VANGL1: variants seen among roughly 807,000 people sequenced by gnomAD.
The protein encoded by VANGL1 is vang-like protein 1.
Under a neutral mutation model 48.4 loss-of-function variants are expected in VANGL1, and 18 were observed. The observed-to-expected ratio is 0.37, with a 90% CI of 0.26 to 0.55. The LOEUF (loss-of-function observed/expected upper bound fraction) is 0.55. Ranked by LOEUF, VANGL1 falls within the 20% of genes least tolerant of loss-of-function variation. The pLI, the probability that VANGL1 is intolerant of heterozygous loss-of-function variation, is 0.81. For synonymous variants in VANGL1, 257 were observed against 261.8 expected, an observed-to-expected ratio of 0.98 and a Z score of 0.18; for missense variants, 667 against 675.8, an observed-to-expected ratio of 0.99 and a Z score of 0.14.
chr1:115,649,425 C>G (rs552608511), intron 1 of VANGL1, among the ~76,000 whole-genome samples: 110 of 152,276 alleles, frequency 7.2e-4, no homozygotes, highest in African/African-American at 2.5e-3. Context: ...GATGTGTGCT[C>G]CGTTCTGTCT....
intron 4 of VANGL1, among the ~76,000 whole-genome samples, chr1:115,674,600 C>T (rs557073938): frequency 4.3e-4 from 66 of 152,286 alleles, no homozygotes; most frequent in Middle Eastern, 3.4e-3. Flanking sequence ...AGAAGAATGA[C>T]GTGACATGTA....
rs200535188 is a variant in VANGL1, at chr1:115,663,973, C to G, written c.517C>G (p.Arg173Gly). The G allele has an allele frequency of 4.0e-5, 65 of 1,614,040 alleles. No individual in the cohort carries two copies. The highest frequency in any genetic ancestry group is 5.5e-5 in the South Asian group (5 of 91,078). ...CATAGGGACCTGGGCACTTTTTTTC[C>G]GCAAGCGGAGAGCTGACATGCCACG... ...LLIGTWALFF[R>G]KRRADMPRVF... The change falls in exon 4 of 8, where the codon CGC becomes GGC. Residue 173 changes from arginine (R) to glycine (G), a missense_variant. Coordinates refer to ENST00000355485, the MANE Select transcript of VANGL1 (RefSeq NM_138959.3).
intron 2 of VANGL1, among the ~76,000 whole-genome samples, chr1:115,654,440 T>C (rs1032257921): frequency 6.7e-6 from 1 of 149,438 alleles, no homozygotes. Context: ...CCCGCCTAAC[T>C]TTTGTCATTG....
At chr1:115,662,939 A>G (rs1427514110) in intron 3 of VANGL1, among the ~76,000 whole-genome samples, 1 of 152,246 alleles carries the variant, frequency 6.6e-6, no homozygotes, top group East Asian at 1.9e-4. Context: ...GGCATGTGCC[A>G]CCACGCCTTG....
rs751924255 is a variant in VANGL1 at position 115,683,989 on chromosome 1, C to T, written c.992C>T (p.Ala331Val). 5 of 1,614,028 alleles carry T rather than the reference C, an allele frequency of 3.1e-6. No individual in the cohort carries two copies. Among genetic ancestry groups the T allele is most frequent in the Non-Finnish European group, 3.4e-6 (4 of 1,180,014 alleles). The change falls in exon 6 of 8, where the codon GCA (alanine) becomes GTA (valine). Residue 331 changes from alanine (A) to valine (V), a missense_variant. Ala to Val is a moderately conservative substitution (Grantham distance 64). Transcript: ENST00000355485. ...ATGQSRAMIA[A>V]AARRRDSSHN... Reference sequence around the variant, plus strand: ...GGCCAGTCCCGGGCCATGATTGCTGCAGCTGCTCGGCGCAGGGACTCAAGC... The same window carrying T: ...GGCCAGTCCCGGGCCATGATTGCTGTAGCTGCTCGGCGCAGGGACTCAAGC...
In VANGL1 at chr1:115,667,593, G is replaced by GA. The variant is rs534445027; in HGVS notation, c.812+3327dup. Among the ~76,000 whole-genome samples, 421 of 152,264 alleles carry GA rather than the reference G, an allele frequency of 2.8e-3. 1 individual carries two copies. The highest frequency in any genetic ancestry group is 9.7e-3 in the African/African-American group (401 of 41,546). Reference sequence around the variant, plus strand: ...TAAGGGACCTGCTCAAGGTCACAGGGAATCAGCACCTTCCTGTGCATCACA... The same window carrying GA: ...TAAGGGACCTGCTCAAGGTCACAGGGAAATCAGCACCTTCCTGTGCATCACA... On this transcript the variant is annotated intron_variant, in intron 4 of 7. Coordinates refer to ENST00000355485, the MANE Select transcript of VANGL1 (RefSeq NM_138959.3).
rs368627163 is a variant in VANGL1 at position 115,659,625 on chromosome 1, C to T, written c.72-16C>T. 3.7e-6 allele frequency: 6 copies of T among 1,613,668 alleles called. No homozygotes were observed. The African/African-American group carries it at 6.7e-5, about 18-fold the overall frequency. Reference sequence around the variant, plus strand: ...TTAACATGGCATAAATGTGCTAGCTCATTGTTGTTTTTCAGGGAAAGAACT... The same window carrying T: ...TTAACATGGCATAAATGTGCTAGCTTATTGTTGTTTTTCAGGGAAAGAACT... On this transcript the variant is annotated splice_polypyrimidine_tract_variant and intron_variant, in intron 2 of 7. Coordinates refer to ENST00000355485, the MANE Select transcript of VANGL1 (RefSeq NM_138959.3).
At chr1:115,649,148 A>G (rs1056868097) in intron 1 of VANGL1, among the ~76,000 whole-genome samples, 1 of 152,200 alleles carries the variant, frequency 6.6e-6, no homozygotes, top group Non-Finnish European at 1.5e-5. Context: ...TGAAATTGCT[A>G]GTGAAAATGG....
intron 4 of VANGL1, among the ~76,000 whole-genome samples, chr1:115,676,416 G>A (rs754623958): frequency 6.6e-6 from 1 of 152,172 alleles, no homozygotes; most frequent in African/African-American, 2.4e-5. Context: ...CCCTCATGGT[G>A]GGCCTCTGGA....
chr1:115,668,200 T>A (rs1445595575), intron 4 of VANGL1, among the ~76,000 whole-genome samples: 1 of 152,226 alleles, frequency 6.6e-6, no homozygotes, highest in Non-Finnish European at 1.5e-5. Context: ...TTCACCATAC[T>A]ACCTCTGAAT....
At chr1:115,675,589 C>T (rs570443679) in intron 4 of VANGL1, among the ~76,000 whole-genome samples, 1 of 152,194 alleles carries the variant, frequency 6.6e-6, no homozygotes, top group African/African-American at 2.4e-5. Flanking sequence ...CATCTGAGGT[C>T]AGGAGTGCAA....
At position 115,663,895 on chromosome 1, in the gene VANGL1, A is replaced by G. The variant is rs1226946875; in HGVS notation, c.439A>G (p.Thr147Ala). The G allele has an allele frequency of 6.2e-7, 1 of 1,614,064 alleles. No homozygotes were observed. Among genetic ancestry groups the G allele is most frequent in the African/African-American group, 1.3e-5 (1 of 74,916 alleles). ...LWRDELEPCGTICEGLFISMA... is the reference protein window; with the variant it reads ...LWRDELEPCGAICEGLFISMA... Reference sequence around the variant, plus strand: ...GAGGGATGAGCTGGAGCCTTGTGGCACAATTTGTGAGGGGCTCTTTATCTC... The same window carrying G: ...GAGGGATGAGCTGGAGCCTTGTGGCGCAATTTGTGAGGGGCTCTTTATCTC... The change falls in exon 4 of 8, where the codon ACA becomes GCA. Residue 147 changes from threonine (T) to alanine (A), a missense_variant. Coordinates refer to ENST00000355485, the MANE Select transcript of VANGL1 (RefSeq NM_138959.3).
intron 2 of VANGL1, among the ~76,000 whole-genome samples, chr1:115,656,163 C>T (rs1269487530): frequency 6.6e-6 from 1 of 152,200 alleles, no homozygotes; most frequent in Non-Finnish European, 1.5e-5. Flanking sequence ...GGCTCGGTAT[C>T]CCTCAGTCAT....
At chr1:115,680,972 ATGG>A (rs1275445001) in intron 4 of VANGL1, among the ~76,000 whole-genome samples, 1 of 152,166 alleles carries the variant, frequency 6.6e-6, no homozygotes, top group African/African-American at 2.4e-5. Context: ...GGTATTTAAC[ATGG>A]TGGTGGTTGG....
intron 2 of VANGL1, 54 bp from the exon 3 acceptor site, chr1:115,659,586 AC>A (rs1347963160): frequency 1.2e-6 from 2 of 1,612,492 alleles, no homozygotes; most frequent in Non-Finnish European, 1.7e-6. Flanking sequence ...ATTTTGATAA[AC>A]CCAGAGAGTT....
intron 4 of VANGL1, among the ~76,000 whole-genome samples, chr1:115,681,615 TC>T (rs1653398014): frequency 6.6e-6 from 1 of 151,542 alleles, no homozygotes; most frequent in South Asian, 2.1e-4. Flanking sequence ...CAAGTGATTC[TC>T]CCGTTTCAGC....
chr1:115,651,331 T>A lies in VANGL1; in HGVS notation c.-83T>A, dbSNP rs995677803. On this transcript the variant is annotated 5_prime_UTR_variant, in exon 2 of 8. Transcript: ENST00000355485. Reference sequence around the variant, plus strand: ...TTCTAATTTCCAGACTCCTTGAGGTTTTAGGAGTCTGGTAGGTGAAATTTT... The same window carrying A: ...TTCTAATTTCCAGACTCCTTGAGGTATTAGGAGTCTGGTAGGTGAAATTTT... The A allele has an allele frequency of 8.0e-7, 1 of 1,246,942 alleles. No homozygotes were observed. Among genetic ancestry groups the A allele is most frequent in the Non-Finnish European group, 1.2e-6 (1 of 860,236 alleles). 77.2% of individuals were successfully genotyped at this position (1,246,942 alleles called of 1,614,324 possible).
Position 115,659,747 on chromosome 1 carries a change from G to GATT in VANGL1, c.179_181dup (p.Asp60_Ser61insTyr). 1.2e-6 allele frequency: 2 copies of GATT among 1,614,192 alleles called. No homozygotes were observed. Among genetic ancestry groups the GATT allele is most frequent in the Non-Finnish European group, 1.7e-6 (2 of 1,180,028 alleles). On this transcript the variant is annotated inframe_insertion, in exon 3 of 8. Coordinates refer to ENST00000355485, the MANE Select transcript of VANGL1 (RefSeq NM_138959.3). Reference sequence around the variant, plus strand: ...CACTGGAGAGCCCCTGTTGGGAAATGATTCTACTCGGACAGAGGAAGTTCA... The same window carrying GATT: ...CACTGGAGAGCCCCTGTTGGGAAATGATTATTCTACTCGGACAGAGGAAGTTCA...
intron 7 of VANGL1, among the ~76,000 whole-genome samples, chr1:115,687,991 CACATAGAT>C: frequency 1.1e-5 from 1 of 94,114 alleles, no homozygotes; most frequent in Non-Finnish European, 2.3e-5. Context: ...GATAGATAGA[CACATAGAT>C]AGATACATAG....
Sources: gnomAD v4.1 joint callset for allele counts (sites outside exome capture counted in the v4.1 genomes callset) on GRCh38, gnomAD v4.1.1 for gene constraint, MANE v1.5 for transcripts, NCBI Gene and HGNC (gene_info 2026-07-23, HGNC 2026-07-21) for gene names.